BMP7: variants seen among roughly 807,000 people sequenced by gnomAD.
The protein encoded by BMP7 is osteogenic protein 1.
Under a neutral mutation model 41.2 loss-of-function variants are expected in BMP7, and 12 were observed. The observed-to-expected ratio is 0.29, with a 90% confidence interval of 0.19 to 0.47. The LOEUF (loss-of-function observed/expected upper bound fraction) is 0.47, where lower values mean the gene tolerates loss of function less well. Ranked by LOEUF, BMP7 falls within the 20% of genes least tolerant of loss-of-function variation. The pLI is 0.99. For synonymous variants in BMP7, 248 were observed against 250.0 expected (o/e 0.99, Z 0.07); for missense variants, 467 against 606.0 (o/e 0.77, Z 2.41).
chr20:57,252,307 G>C (rs1258540279), intron 1 of BMP7, among the ~76,000 whole-genome samples: 3 of 152,338 alleles, frequency 2.0e-5, no homozygotes, highest in East Asian at 1.9e-4. Flanking sequence ...TTGTGGGCTG[G>C]AGTTGGCCCG....
In BMP7 at chr20:57,266,074, G is replaced by A. The variant is rs1482615161; in HGVS notation, c.49C>T (p.Leu17Phe). ...RAAAPHSFVALWAPLFLLRSA... is the reference protein window; with the variant it reads ...RAAAPHSFVAFWAPLFLLRSA... ...CGCAGCAGGAACAGGGGTGCCCAGA[G>A]CGCCACGAAGCTGTGCGGCGCCGCA... is the stretch of plus-strand genomic sequence containing the variant. The change falls in exon 1 of 7, where the codon CTC becomes TTC. Residue 17 changes from leucine (L) to phenylalanine (F), a missense_variant. Coordinates refer to ENST00000395863, the MANE Select transcript of BMP7 (RefSeq NM_001719.3). 3.9e-6 allele frequency: 6 copies of A among 1,539,018 alleles called. No homozygotes were observed. Among genetic ancestry groups the A allele is most frequent in the Non-Finnish European group, 5.2e-6 (6 of 1,146,688 alleles).
At chr20:57,192,199 T>C (rs1984379569) in intron 3 of BMP7, among the ~76,000 whole-genome samples, 1 of 129,228 alleles carries the variant, frequency 7.7e-6, no homozygotes, top group African/African-American at 3.0e-5. Flanking sequence ...ATATAGTATA[T>C]ATACTATTAC....
rs778190724 is a variant in BMP7 at position 57,202,527 on chromosome 20, C to T, written c.708G>A (p.Val236=). 4 of 1,610,578 alleles carry T rather than the reference C, an allele frequency of 2.5e-6. No individual in the cohort carries two copies. The highest frequency in any genetic ancestry group is 3.4e-6 in the Non-Finnish European group (4 of 1,179,952). ...FDITATSNHW[V]VNPRHNLGLQ... is the part of the protein sequence containing the mutation. ...GGCCCAGGTTGTGCCGCGGATTGAC[C>T]ACCCAGTGGTTGCTGGTGGCTGTGA... Residue 236 remains valine, a synonymous_variant, in exon 3 of 7, where the codon GTG becomes GTA. Coordinates refer to ENST00000395863, the MANE Select transcript of BMP7 (RefSeq NM_001719.3).
intron 1 of BMP7, 73 bp downstream of exon 1, chr20:57,265,632 G>A: frequency 6.5e-7 from 1 of 1,543,772 alleles, no homozygotes; most frequent in Non-Finnish European, 8.8e-7. Flanking sequence ...CTGCATAGAA[G>A]AAGCGGCTCC....
At chr20:57,185,432 G>A (rs1984187232) in intron 3 of BMP7, among the ~76,000 whole-genome samples, 1 of 152,216 alleles carries the variant, frequency 6.6e-6, no homozygotes. Context: ...GTGAGAAAAA[G>A]GGGAGTCTCA....
intron 1 of BMP7, among the ~76,000 whole-genome samples, chr20:57,242,119 A>C (rs575028403): frequency 1.3e-5 from 2 of 152,290 alleles, no homozygotes; most frequent in East Asian, 3.9e-4. Flanking sequence ...TTGAGGGAAA[A>C]GAACCAGTGA....
chr20:57,225,853 A>G, intron 2 of BMP7: 1 of 471,126 alleles, frequency 2.1e-6, no homozygotes, highest in Non-Finnish European at 4.4e-6. Flanking sequence ...CAATGCTCCC[A>G]CCTGCCATGT....
chr20:57,243,332 A>G (rs1168585360), intron 1 of BMP7, among the ~76,000 whole-genome samples: 1 of 151,996 alleles, frequency 6.6e-6, no homozygotes, highest in East Asian at 1.9e-4. Context: ...TACAAAAATT[A>G]GCTAGGCGTG....
At chr20:57,250,324 TATATA>T (rs989465397) in intron 1 of BMP7, among the ~76,000 whole-genome samples, 6 of 137,734 alleles carry the variant, frequency 4.4e-5, no homozygotes, top group African/African-American at 1.8e-4. Context: ...TAAATATATT[TATATA>T]ATATATAATA....
At chr20:57,210,413 TC>T (rs1984851176) in intron 2 of BMP7, among the ~76,000 whole-genome samples, 1 of 152,180 alleles carries the variant, frequency 6.6e-6, no homozygotes, top group Non-Finnish European at 1.5e-5. Flanking sequence ...TATTTTAAAA[TC>T]TCAAACGTGG....
intron 1 of BMP7, among the ~76,000 whole-genome samples, chr20:57,260,621 C>A (rs2066150260): frequency 6.6e-6 from 1 of 152,198 alleles, no homozygotes; most frequent in Admixed American, 6.5e-5. Context: ...TTGTGCAATT[C>A]AATATATTGA....
intron 3 of BMP7, among the ~76,000 whole-genome samples, chr20:57,191,431 C>A (rs1984354771): frequency 6.6e-6 from 1 of 152,088 alleles, no homozygotes; most frequent in South Asian, 2.1e-4. Context: ...GGTGTGGTGG[C>A]TAACGCCTAT....
intron 3 of BMP7, among the ~76,000 whole-genome samples, chr20:57,201,709 C>T (rs1984624159): frequency 6.6e-6 from 1 of 152,204 alleles, no homozygotes. Context: ...CAGCTGGAAA[C>T]CATCACCACT....
chr20:57,266,275 C>T lies in BMP7; in HGVS notation c.-153G>A. 1.4e-6 allele frequency: 1 copy of T among 692,304 alleles called. No homozygotes were observed. The highest frequency in any genetic ancestry group is 2.0e-6 in the Non-Finnish European group (1 of 494,052). 42.9% of individuals were successfully genotyped at this position (692,304 alleles called of 1,614,324 possible). On this transcript the variant is annotated 5_prime_UTR_variant, in exon 1 of 7. Transcript: ENST00000395863. ...CAGACATGGCCCCTCCCCGGCCGGC[C>T]GCGCTCTGCCCGGACCCCCGCCCCC... is the stretch of plus-strand genomic sequence containing the variant.
intron 2 of BMP7, chr20:57,226,018 G>A (rs1230972661): frequency 2.2e-6 from 1 of 458,110 alleles, no homozygotes; most frequent in Non-Finnish European, 4.6e-6. Flanking sequence ...CAGGACCCCA[G>A]CACTAGAATG....
At chr20:57,234,171 A>G (rs183639476) in intron 1 of BMP7, among the ~76,000 whole-genome samples, 1 of 152,220 alleles carries the variant, frequency 6.6e-6, no homozygotes, top group East Asian at 1.9e-4. Flanking sequence ...GGGAGCCACC[A>G]TCTTGTTCCA....
intron 6 of BMP7, among the ~76,000 whole-genome samples, chr20:57,172,684 G>A (rs762679176): frequency 2.0e-5 from 3 of 152,182 alleles, no homozygotes; most frequent in Non-Finnish European, 4.4e-5. Context: ...ACTGAGTGTC[G>A]CCACGTGCTG....
chr20:57,205,153 G>GTTTGTT (rs1346939866), intron 2 of BMP7, among the ~76,000 whole-genome samples: 1 of 151,988 alleles, frequency 6.6e-6, no homozygotes, highest in African/African-American at 2.4e-5. Flanking sequence ...TTGTTTGTTT[G>GTTTGTT]TTTGTTTGTT....
chr20:57,261,419 C>A lies in BMP7; in HGVS notation c.418+4286G>T, dbSNP rs568057421. Among the ~76,000 whole-genome samples, 1 of 152,300 alleles carries A rather than the reference C, an allele frequency of 6.6e-6. No homozygotes were observed. Among genetic ancestry groups the A allele is most frequent in the East Asian group, 1.9e-4 (1 of 5,194 alleles). On this transcript the variant is annotated intron_variant, in intron 1 of 6. Coordinates refer to ENST00000395863, the MANE Select transcript of BMP7 (RefSeq NM_001719.3). The surrounding 1 kb of genome is among the most constrained non-coding windows in gnomAD (Gnocchi z 4.1). The stretch of plus-strand genomic sequence containing the variant: ...CAAAAACAGCCACCCAAGTTGGCAT[C>A]CAGGGCTCAGCCTTACCCTGCCTTG...
Sources: gnomAD v4.1 joint callset for allele counts (sites outside exome capture counted in the v4.1 genomes callset) on GRCh38, gnomAD v4.1.1 for gene constraint, Gnocchi (gnomAD v3.1) non-coding constraint, MANE v1.5 for transcripts, NCBI Gene and HGNC (gene_info 2026-07-23, HGNC 2026-07-21) for gene names.